APBA3: variants seen among roughly 807,000 people sequenced by gnomAD.
APBA3 encodes amyloid beta precursor protein binding family A member 3.
APBA3 carries 45 observed loss-of-function variants against 55.9 expected under a neutral mutation model. The observed-to-expected ratio is 0.80, with a 90% CI of 0.63 to 1.03. The LOEUF (loss-of-function observed/expected upper bound fraction) is 1.03. Ranked by LOEUF, APBA3 falls within the 50% of genes least tolerant of loss-of-function variation. APBA3 has a pLI of 0.00. For synonymous variants in APBA3, 370 were observed against 353.3 expected (o/e 1.05, Z -0.53); for missense variants, 865 against 820.3 (o/e 1.05, Z -0.67).
At chr19:3,760,680 C>T (rs1322905415) in intron 1 of APBA3, among the ~76,000 whole-genome samples, 1 of 146,586 alleles carries the variant, frequency 6.8e-6, no homozygotes, top group Non-Finnish European at 1.5e-5. Context: ...ACCCGGGAGG[C>T]GGAGGTTGCA....
Position 3,759,793 on chromosome 19 carries a change from C to A in APBA3, c.472G>T (p.Ala158Ser), listed in dbSNP as rs766952724. The A allele has an allele frequency of 8.1e-6, 13 of 1,612,624 alleles. No individual in the cohort carries two copies. In the South Asian group the frequency reaches 1.2e-4, roughly 15 times the overall value. ...CTGCTGCCCTCCTGCTCAGCAGAGG[C>A]CCCCTCCACCCATTCTGGGGAGTCA... ...DSDSPEWVEGASAEQEGSRSS... is the reference protein window; with the variant it reads ...DSDSPEWVEGSSAEQEGSRSS... The change falls in exon 2 of 11, where the codon GCC becomes TCC. Residue 158 changes from alanine to serine, a missense_variant. Ala to Ser is a moderately conservative substitution (Grantham distance 99, BLOSUM62 1). Coordinates refer to ENST00000316757, the MANE Select transcript of APBA3 (RefSeq NM_004886.4).
At chr19:3,760,931 C>T (rs1305344673) in intron 1 of APBA3, among the ~76,000 whole-genome samples, 1 of 151,892 alleles carries the variant, frequency 6.6e-6, no homozygotes, top group Non-Finnish European at 1.5e-5. Flanking sequence ...CAAACAAACC[C>T]GAAAAACAAA....
chr19:3,758,769 T>C (rs998645651), intron 3 of APBA3, among the ~76,000 whole-genome samples: 1 of 151,492 alleles, frequency 6.6e-6, no homozygotes, highest in African/African-American at 2.4e-5. Flanking sequence ...TCCCAGCTAC[T>C]TGGGAGGCTG....
rs1302677724 is a variant in APBA3, at chr19:3,753,823, G to A, written c.953C>T (p.Pro318Leu). Reference protein sequence around the residue: ...ARRRLARRPAPQDHGRRLYKM... With the variant: ...ARRRLARRPALQDHGRRLYKM... ...GTAGAGGCGGCGGCCGTGGTCCTGG[G>A]GTGCCGGCCTCCGTGCCAGCCGCCG... The change falls in exon 6 of 11, where the codon CCC (proline) becomes CTC (leucine). Residue 318 changes from proline (P) to leucine (L), a missense_variant. Transcript: ENST00000316757. The A allele has an allele frequency of 2.5e-6, 4 of 1,576,400 alleles. No homozygotes were observed. The highest frequency in any genetic ancestry group is 3.4e-6 in the Non-Finnish European group (4 of 1,163,348).
chr19:3,750,796 C>A lies in APBA3; in HGVS notation c.*230G>T. 1 of 1,074,106 alleles carries A rather than the reference C, an allele frequency of 9.3e-7. No homozygotes were observed. 66.5% of individuals were successfully genotyped at this position (1,074,106 alleles called of 1,614,324 possible). On this transcript the variant is annotated 3_prime_UTR_variant, in exon 11 of 11. Coordinates refer to ENST00000316757, the MANE Select transcript of APBA3 (RefSeq NM_004886.4). Reference sequence around the variant, plus strand: ...CTCCCTCCGCCTGGTCTTTAATAAACAGAGTATTTTCACAGCACCGGCTTC... The same window carrying A: ...CTCCCTCCGCCTGGTCTTTAATAAAAAGAGTATTTTCACAGCACCGGCTTC...
At position 3,751,696 on chromosome 19, in the gene APBA3, T is replaced by C. The variant is rs560491204; in HGVS notation, c.1396-143A>G. 2.1e-5 allele frequency: 21 copies of C among 993,356 alleles called. No homozygotes were observed. In the African/African-American group the frequency reaches 2.1e-4, roughly 10 times the overall value. 61.5% of individuals were successfully genotyped at this position (993,356 alleles called of 1,614,324 possible). A position where few individuals can be genotyped will look rare whatever the true frequency, so the allele number is the denominator to read the frequency against. ...TTCTGGAAGACCCCCTCAGATGTGATAGAGAACAGACTCGGGCCCGGTGGG... is the reference window on the plus strand; with the variant it reads ...TTCTGGAAGACCCCCTCAGATGTGACAGAGAACAGACTCGGGCCCGGTGGG... On this transcript the variant is annotated intron_variant, in intron 8 of 10. Coordinates refer to ENST00000316757, the MANE Select transcript of APBA3 (RefSeq NM_004886.4).
chr19:3,750,858 T>C lies in APBA3; in HGVS notation c.*168A>G, dbSNP rs967921096. The C allele has an allele frequency of 6.0e-6, 6 of 997,102 alleles. No individual in the cohort carries two copies. Among genetic ancestry groups the C allele is most frequent in the Middle Eastern group, 2.1e-4 (1 of 4,856 alleles). 61.8% of individuals were successfully genotyped at this position (997,102 alleles called of 1,614,324 possible). A position where few individuals can be genotyped will look rare whatever the true frequency, so the allele number is the denominator to read the frequency against. On this transcript the variant is annotated 3_prime_UTR_variant, in exon 11 of 11. Coordinates refer to ENST00000316757, the MANE Select transcript of APBA3 (RefSeq NM_004886.4). ...AGGAAGGACAAGGTCCTCGGTCCCG[T>C]AGACCCTGATCCGAGACTTTGCCAA...
chr19:3,750,819 T>C lies in APBA3; in HGVS notation c.*207A>G, dbSNP rs191177818. 1.0e-6 allele frequency: 1 copy of C among 976,812 alleles called. No individual in the cohort carries two copies. The highest frequency in any genetic ancestry group is 2.6e-5 in the East Asian group (1 of 38,208). The allele number at this position is 976,812 out of a possible 1,614,324, so 60.5% of individuals were successfully genotyped here. Reference sequence around the variant, plus strand: ...AACAGAGTATTTTCACAGCACCGGCTTCTAGTGGCTTCCAGGAAGGACAAG... The same window carrying C: ...AACAGAGTATTTTCACAGCACCGGCCTCTAGTGGCTTCCAGGAAGGACAAG... On this transcript the variant is annotated 3_prime_UTR_variant, in exon 11 of 11. Transcript: ENST00000316757.
At chr19:3,752,784 G>T (rs769525430) in intron 7 of APBA3, 36 bp downstream of exon 7, 1 of 1,610,096 alleles carries the variant, frequency 6.2e-7, no homozygotes, top group African/African-American at 1.3e-5. Flanking sequence ...CGGGTGTGGG[G>T]GGCACCAGGT....
chr19:3,752,026 C>T (rs1353847708), intron 8 of APBA3: 1 of 195,824 alleles, frequency 5.1e-6, no homozygotes, highest in Non-Finnish European at 1.0e-5. Context: ...CCTGGCCAAC[C>T]AACATAGTGA....
rs149280428 is a variant in APBA3 at position 3,752,981 on chromosome 19, T to A, written c.1021A>T (p.Ile341Phe). The A allele has an allele frequency of 2.4e-5, 39 of 1,611,722 alleles. No homozygotes were observed. The highest frequency in any genetic ancestry group is 2.7e-5 in the Non-Finnish European group (32 of 1,179,754). Reference protein sequence around the residue: ...HVFYAEDAQLIAQAIGQAFAA... With the variant: ...HVFYAEDAQLFAQAIGQAFAA... ...AAGGCCTGGCCAATGGCCTGGGCGA[T>A]GAGCTGGGCCTGCGGGGAGGAGTGG... The change falls in exon 7 of 11, where the codon ATC (isoleucine) becomes TTC (phenylalanine). Residue 341 changes from isoleucine to phenylalanine, a missense_variant. Physicochemically the swap from Ile to Phe is conservative, Grantham distance 21. Transcript: ENST00000316757.
At chr19:3,753,077 T>G in intron 6 of APBA3, 87 bp from the exon 7 acceptor site, 1 of 1,478,960 alleles carries the variant, frequency 6.8e-7, no homozygotes, top group Non-Finnish European at 9.1e-7. Context: ...AGCTGAGCCC[T>G]CCTGTCCCCA....
Position 3,750,774 on chromosome 19 carries a change from C to T in APBA3, c.*252G>A, listed in dbSNP as rs372462135. The stretch of plus-strand genomic sequence containing the variant: ...CATACAGAACCCACAACCTTACCTC[C>T]CTCCGCCTGGTCTTTAATAAACAGA... On this transcript the variant is annotated 3_prime_UTR_variant, in exon 11 of 11. Coordinates refer to ENST00000316757, the MANE Select transcript of APBA3 (RefSeq NM_004886.4). 1.7e-6 allele frequency: 2 copies of T among 1,170,110 alleles called. No homozygotes were observed. The highest frequency in any genetic ancestry group is 3.1e-5 in the African/African-American group (2 of 65,376). 72.5% of individuals were successfully genotyped at this position (1,170,110 alleles called of 1,614,324 possible).
Position 3,753,945 on chromosome 19 carries a change from C to T in APBA3, c.850-19G>A. On this transcript the variant is annotated intron_variant, in intron 5 of 10. Transcript: ENST00000316757. ...TGGCCTCCTGGGGCGGGAGAGGCAG[C>T]CTGGGTGGGTTGGGGGGCCGTGCCA... 2 of 1,557,726 alleles carry T rather than the reference C, an allele frequency of 1.3e-6. No individual in the cohort carries two copies. Among genetic ancestry groups the T allele is most frequent in the Non-Finnish European group, 1.7e-6 (2 of 1,150,054 alleles).
At chr19:3,760,701 A>G (rs567632644) in intron 1 of APBA3, among the ~76,000 whole-genome samples, 118 of 150,578 alleles carry the variant, frequency 7.8e-4, no homozygotes, top group African/African-American at 2.8e-3. Context: ...GTGAGCTGAG[A>G]TCGCGCCATT....
intron 3 of APBA3, among the ~76,000 whole-genome samples, chr19:3,756,853 A>G (rs1277133997): frequency 6.6e-6 from 1 of 152,212 alleles, no homozygotes; most frequent in Non-Finnish European, 1.5e-5. Context: ...TGATTACACT[A>G]TAATTGGACA....
rs757023133 is a variant in APBA3 at position 3,752,936 on chromosome 19, A to T, written c.1066T>A (p.Phe356Ile). ...GQAFAAAYSQFLRESGIDPSQ... is the reference protein window; with the variant it reads ...GQAFAAAYSQILRESGIDPSQ... ...GGGTCAATACCGCTTTCCCGTAGGA[A>T]CTGGCTGTAGGCGGCGGCGAAGGCC... Residue 356 changes from phenylalanine to isoleucine, a missense_variant, in exon 7 of 11, where the codon TTC (phenylalanine) becomes ATC (isoleucine). Transcript: ENST00000316757. 4 of 1,613,360 alleles carry T rather than the reference A, an allele frequency of 2.5e-6. No individual in the cohort carries two copies. The highest frequency in any genetic ancestry group is 1.6e-4 in the Middle Eastern group (1 of 6,062).
intron 8 of APBA3, 46 bp from the exon 9 acceptor site, chr19:3,751,599 G>T: frequency 1.3e-6 from 2 of 1,547,890 alleles, no homozygotes; most frequent in Non-Finnish European, 1.7e-6. Flanking sequence ...CGGACAGCCT[G>T]GCAGGTTGTA....
chr19:3,756,137 G>C (rs2037077892), intron 3 of APBA3: 1 of 152,130 alleles, frequency 6.6e-6, no homozygotes, highest in Non-Finnish European at 1.5e-5. Flanking sequence ...ACTGAATAGA[G>C]ATGTAAATAG....
Sources: allele counts gnomAD v4.1 joint callset (sites outside exome capture counted in the v4.1 genomes callset), GRCh38; gene constraint gnomAD v4.1.1; transcripts MANE v1.5; gene names NCBI Gene and HGNC (gene_info 2026-07-23, HGNC 2026-07-21).